The following CPLANE1 variants were observed in gnomAD, a reference collection of about 807,000 sequenced individuals.
CPLANE1 encodes the protein ciliogenesis and planar polarity effector complex subunit 1, also known as ciliogenesis and planar polarity effector 1.
A neutral mutation model predicts 362.5 loss-of-function variants in CPLANE1; 263 were observed. The ratio of observed to expected loss-of-function variants is 0.73; its 90% CI spans 0.66 to 0.80. The LOEUF is 0.80. Ranked by LOEUF, CPLANE1 falls within the 30% of genes least tolerant of loss-of-function variation. The pLI is 0.00. For synonymous variants in CPLANE1, 1,212 were observed against 1,302.6 expected, an observed-to-expected ratio of 0.93 and a Z score of 1.50; for missense variants, 3,461 against 3,793.4, an observed-to-expected ratio of 0.91 and a Z score of 2.30.
chr5:37,143,465 G>GA (rs1770440036), intron 43 of CPLANE1, among the ~76,000 whole-genome samples: 1 of 152,024 alleles, frequency 6.6e-6, no homozygotes, highest in Admixed American at 6.6e-5. Flanking sequence ...ATTTGAAAAA[G>GA]AAATAAATAC....
At chr5:37,236,948 G>C (rs768811637) in intron 8 of CPLANE1, among the ~76,000 whole-genome samples, 5 of 152,104 alleles carry the variant, frequency 3.3e-5, no homozygotes, top group Non-Finnish European at 5.9e-5. Flanking sequence ...GGGAACATGG[G>C]AACATGTTTC....
intron 8 of CPLANE1, among the ~76,000 whole-genome samples, chr5:37,237,901 G>C (rs1799378851): frequency 6.6e-6 from 1 of 151,616 alleles, no homozygotes; most frequent in Admixed American, 6.6e-5. Context: ...CTTTTAGGCT[G>C]GGCATGATGG....
the CPLANE1 span, among the ~76,000 whole-genome samples, chr5:37,093,636 G>A: frequency 6.6e-6 from 1 of 152,138 alleles, no homozygotes; most frequent in African/African-American, 2.4e-5. Flanking sequence ...ATTGTCTTAT[G>A]TTATTTACTA....
chr5:37,187,510 A>C lies in CPLANE1; in HGVS notation c.3984T>G (p.Ala1328=), dbSNP rs1304070893. The C allele has an allele frequency of 6.2e-7, 1 of 1,613,836 alleles. No individual in the cohort carries two copies. Among genetic ancestry groups the C allele is most frequent in the African/African-American group, 1.3e-5 (1 of 75,048 alleles). ...ACCGAGAGAAAGGCAGCATTCTATAAGCCCATTCCACTGCACTAAGACAGT... is the reference window on the plus strand; with the variant it reads ...ACCGAGAGAAAGGCAGCATTCTATACGCCCATTCCACTGCACTAAGACAGT... ...IEHCLSAVEW[A]YRMLPFSRFF... The change falls in exon 23 of 53, where the codon GCT becomes GCG. Residue 1328 remains alanine (A), a synonymous_variant. Transcript: ENST00000651892.
rs1330650709 is a variant in CPLANE1 at position 37,125,249 on chromosome 5, T to C, written c.8953A>G (p.Asn2985Asp). 1 of 1,611,076 alleles carries C rather than the reference T, an allele frequency of 6.2e-7. No individual in the cohort carries two copies. Reference sequence around the variant, plus strand: ...CCTTGACATGGCAGACTTACTGGATTGCTTCTGGGACAGAAAGGATCATGT... The same window carrying C: ...CCTTGACATGGCAGACTTACTGGATCGCTTCTGGGACAGAAAGGATCATGT... ...QEHDPFCPRS[N>D]PLYMTSREIR... Residue 2985 changes from asparagine (N) to aspartate (D), a missense_variant, in exon 47 of 53, where the codon AAT (asparagine) becomes GAT (aspartate). Physicochemically the swap from Asn to Asp is conservative, Grantham distance 23. Coordinates refer to ENST00000651892, the MANE Select transcript of CPLANE1 (RefSeq NM_001384732.1).
chr5:37,148,276 A>G lies in CPLANE1; in HGVS notation c.8374-8T>C. On this transcript the variant is annotated splice_polypyrimidine_tract_variant and splice_region_variant and intron_variant, in intron 42 of 52. Transcript: ENST00000651892. ...GTGATCCACTGGTCCAATCTGTAGA[A>G]AAAACACACACAACAAAACAACAGT... is the stretch of plus-strand genomic sequence containing the variant. 6.3e-7 allele frequency: 1 copy of G among 1,582,856 alleles called. No individual in the cohort carries two copies. The highest frequency in any genetic ancestry group is 8.7e-7 in the Non-Finnish European group (1 of 1,155,456).
At chr5:37,201,870 G>A (rs916130443) in intron 18 of CPLANE1, 62 bp from the exon 19 acceptor site, 2 of 1,203,566 alleles carry the variant, frequency 1.7e-6, no homozygotes, top group African/African-American at 1.5e-5. Flanking sequence ...TATCCATTTT[G>A]TAGGAAAAAA....
At chr5:37,092,771 C>T in the CPLANE1 span, among the ~76,000 whole-genome samples, 1 of 152,176 alleles carries the variant, frequency 6.6e-6, no homozygotes, top group South Asian at 2.1e-4. Flanking sequence ...TATCATAATT[C>T]CGGTAACAAC....
rs781366484 is a variant in CPLANE1 at position 37,226,558 on chromosome 5, C to T, written c.2037G>A (p.Gln679=). The T allele has an allele frequency of 4.5e-6, 7 of 1,549,778 alleles. No homozygotes were observed. The East Asian group carries it at 9.8e-5, about 22-fold the overall frequency. Reference sequence around the variant, plus strand: ...AAGCTAAAAGTTTCTCTGAGAATAACTGACCCTTTTGTTGCTGAGTCAGCA... The same window carrying T: ...AAGCTAAAAGTTTCTCTGAGAATAATTGACCCTTTTGTTGCTGAGTCAGCA... The part of the protein sequence containing the change: ...KLLLTQQQKG[Q]LFSEKLLACF... Residue 679 remains glutamine, a synonymous_variant, in exon 12 of 53, where the codon CAG becomes CAA. Transcript: ENST00000651892.
chr5:37,121,888 T>A, intron 48 of CPLANE1, 104 bp from the exon 49 acceptor site: 1 of 1,038,460 alleles, frequency 9.6e-7, no homozygotes, highest in Non-Finnish European at 1.4e-6. Flanking sequence ...CTGGTTTTTT[T>A]TTTTTTTTGA....
At chr5:37,224,877 T>C (rs576567212) in intron 12 of CPLANE1, 137 bp from the exon 13 acceptor site, 5 of 518,260 alleles carry the variant, frequency 9.6e-6, no homozygotes, top group African/African-American at 3.9e-5. Context: ...CATTTAAATA[T>C]AGTGCAAAAT....
chr5:37,215,268 C>G (rs1390088223), intron 15 of CPLANE1, among the ~76,000 whole-genome samples: 1 of 152,038 alleles, frequency 6.6e-6, no homozygotes, highest in African/African-American at 2.4e-5. Context: ...AGACTGGTCT[C>G]GAACTCTTGA....
rs1398941589 is a variant in CPLANE1 at position 37,213,551 on chromosome 5, T to C, written c.2920+8A>G. On this transcript the variant is annotated splice_region_variant and intron_variant, in intron 16 of 52. Coordinates refer to ENST00000651892, the MANE Select transcript of CPLANE1 (RefSeq NM_001384732.1). ...AAAAGTTTAAAAAGGATTTGTTTAC[T>C]ACATTACCTGTTTTAATATGAAGTG... is the stretch of plus-strand genomic sequence containing the variant. 2.6e-6 allele frequency: 4 copies of C among 1,522,498 alleles called. No individual in the cohort carries two copies. Among genetic ancestry groups the C allele is most frequent in the African/African-American group, 1.4e-5 (1 of 72,258 alleles). The allele number at this position is 1,522,498 out of a possible 1,614,324, so 94.3% of individuals were successfully genotyped here. A position where few individuals can be genotyped will look rare whatever the true frequency, so the allele number is the denominator to read the frequency against.
intron 42 of CPLANE1, among the ~76,000 whole-genome samples, chr5:37,151,746 G>C (rs528022740): frequency 1.3e-5 from 2 of 151,962 alleles, no homozygotes; most frequent in Admixed American, 1.3e-4. Context: ...TCTAAATCTG[G>C]GTTTAAAAAA....
chr5:37,179,426 C>G lies in CPLANE1; in HGVS notation c.5755G>C (p.Val1919Leu). ...SDYEEDIEESVGGFRSPSLAI... is the reference protein window; with the variant it reads ...SDYEEDIEESLGGFRSPSLAI... The stretch of plus-strand genomic sequence containing the variant: ...AGACTGGGACTTCTGAAACCTCCAA[C>G]AGATTCTTCAATGTCTTCTAGCGAT... Residue 1919 changes from valine (V) to leucine (L), a missense_variant, in exon 29 of 53, where the codon GTT (valine) becomes CTT (leucine). Around this residue, in one of 2 missense-constraint regions of CPLANE1, gnomAD observed 3,380 missense variants for 3,666.1 expected, o/e 0.92. Coordinates refer to ENST00000651892, the MANE Select transcript of CPLANE1 (RefSeq NM_001384732.1). 3 of 1,612,556 alleles carry G rather than the reference C, an allele frequency of 1.9e-6. No individual in the cohort carries two copies. The highest frequency in any genetic ancestry group is 2.5e-6 in the Non-Finnish European group (3 of 1,179,022).
chr5:37,082,594 T>TA, the CPLANE1 span, among the ~76,000 whole-genome samples: 1 of 152,122 alleles, frequency 6.6e-6, no homozygotes, highest in Non-Finnish European at 1.5e-5. Flanking sequence ...ATCTCCTTAA[T>TA]AAAAAATGAA....
At chr5:37,200,226 A>G (rs1374126601) in intron 19 of CPLANE1, among the ~76,000 whole-genome samples, 1 of 152,212 alleles carries the variant, frequency 6.6e-6, no homozygotes, top group East Asian at 1.9e-4. Flanking sequence ...ATTACTTGCA[A>G]CACAAGGGGT....
intron 30 of CPLANE1, among the ~76,000 whole-genome samples, chr5:37,177,003 C>G (rs1398056527): frequency 6.6e-6 from 1 of 152,104 alleles, no homozygotes; most frequent in Non-Finnish European, 1.5e-5. Flanking sequence ...CATGATCCAC[C>G]CGCCTCGGCC....
intron 18 of CPLANE1, 101 bp downstream of exon 18, chr5:37,205,214 T>C (rs1790372297): frequency 4.2e-6 from 3 of 717,282 alleles, no homozygotes; most frequent in East Asian, 3.4e-5. Context: ...GATAAGTTTA[T>C]TTCAAAGTGT....
Sources: gnomAD v4.1 joint callset for allele counts (sites outside exome capture counted in the v4.1 genomes callset) on GRCh38, gnomAD v4.1.1 for gene constraint, gnomAD v4.1.1 regional missense constraint, MANE v1.5 for transcripts, NCBI Gene and HGNC (gene_info 2026-07-23, HGNC 2026-07-21) for gene names.